The following GPR89B variants were observed in gnomAD, a reference collection of about 807,000 sequenced individuals.
GPR89B encodes golgi pH regulator B.
A neutral mutation model predicts 52.4 loss-of-function variants in GPR89B; 25 were observed. That is an observed-to-expected ratio of 0.48 (90% CI 0.35 to 0.67). The LOEUF (loss-of-function observed/expected upper bound fraction) is 0.67. Ranked by LOEUF, GPR89B falls within the 30% of genes least tolerant of loss-of-function variation. The probability of loss-of-function intolerance (pLI) is 0.01; values close to 1 mark genes in which losing one functional copy is unlikely to be tolerated. For synonymous variants in GPR89B, 52 were observed against 151.2 expected, an observed-to-expected ratio of 0.34 and a Z score of 4.81; for missense variants, 146 against 450.2, an observed-to-expected ratio of 0.32 and a Z score of 6.11.
chr1:147,962,884 A>G (rs1656708529), intron 7 of GPR89B, among the ~76,000 whole-genome samples: 1 of 151,352 alleles, frequency 6.6e-6, no homozygotes, highest in Admixed American at 6.6e-5. Context: ...CAACAGAGCG[A>G]GACTCCGTCT....
the GPR89B span, chr1:148,001,570 A>T: frequency 1.1e-6 from 1 of 885,626 alleles, no homozygotes; most frequent in African/African-American, 1.8e-5. Flanking sequence ...CTAAAAAAAT[A>T]AAACAGATTT....
downstream of GPR89B, among the ~76,000 whole-genome samples, chr1:147,998,425 G>T (rs2149100733): frequency 6.8e-6 from 1 of 147,126 alleles, no homozygotes; most frequent in African/African-American, 2.5e-5. Flanking sequence ...TCATATACTT[G>T]CAACAGTTCC....
the GPR89B span, chr1:148,014,353 T>G: frequency 2.0e-5 from 3 of 151,568 alleles, no homozygotes; most frequent in Admixed American, 6.5e-5. Flanking sequence ...TCAAGATTCG[T>G]AGGAGGGCGG....
intron 10 of GPR89B, among the ~76,000 whole-genome samples, chr1:147,977,287 A>G (rs1172479877): frequency 6.1e-5 from 9 of 148,724 alleles, no homozygotes; most frequent in South Asian, 2.1e-4. Context: ...TTGACTCCCA[A>G]TTGCTTCTGG....
At position 147,966,207 on chromosome 1, in the gene GPR89B, A is replaced by AG. The variant is rs1256290812; in HGVS notation, c.618-346dup. ...TAACTGTAGTAATTAAACTATGTATAGCGCCTTGTAGTTGACAACATGAAT... is the reference window on the plus strand; with the variant it reads ...TAACTGTAGTAATTAAACTATGTATAGGCGCCTTGTAGTTGACAACATGAAT... On this transcript the variant is annotated intron_variant, in intron 7 of 13. Transcript: ENST00000314163. Among the ~76,000 whole-genome samples, 613 of 152,112 alleles carry AG rather than the reference A, an allele frequency of 4.0e-3. 6 individuals carry two copies. The highest frequency in any genetic ancestry group is 0.027 in the East Asian group (141 of 5,190).
intron 10 of GPR89B, among the ~76,000 whole-genome samples, chr1:147,982,927 TCA>T (rs1658381376): frequency 5.9e-5 from 9 of 152,228 alleles, no homozygotes; most frequent in Non-Finnish European, 1.3e-4. Flanking sequence ...GGGAGTTCAC[TCA>T]TGATTTGTCT....
At chr1:147,996,594 C>G (rs2149100237), downstream of GPR89B, 1 of 1,611,376 alleles carries the variant, frequency 6.2e-7, no homozygotes, top group East Asian at 2.2e-5. Context: ...TCACCTTTAG[C>G]CAGCCTGCAG....
intron 12 of GPR89B, among the ~76,000 whole-genome samples, chr1:147,991,852 T>C (rs1211382201): frequency 1.2e-4 from 18 of 152,028 alleles, no homozygotes; most frequent in Non-Finnish European, 2.5e-4. Flanking sequence ...AGTTTGCCAG[T>C]ATTTTATTGA....
At chr1:147,933,526 G>T (rs1401481554) in intron 1 of GPR89B, among the ~76,000 whole-genome samples, 4 of 151,982 alleles carry the variant, frequency 2.6e-5, no homozygotes, top group Admixed American at 6.6e-5. Flanking sequence ...CCATCTTGCT[G>T]GCTGTCCCTC....
At chr1:147,981,228 G>A (rs1347569440) in intron 10 of GPR89B, among the ~76,000 whole-genome samples, 2 of 146,124 alleles carry the variant, frequency 1.4e-5, no homozygotes, top group Non-Finnish European at 3.0e-5. Flanking sequence ...AACACTTTGG[G>A]AGGCTGAGGC....
Position 147,969,552 on chromosome 1 carries a change from T to C in GPR89B, c.817-315T>C, listed in dbSNP as rs1657270627. On this transcript the variant is annotated intron_variant, in intron 9 of 13. Transcript: ENST00000314163. ...TAAACCTGAGCCTACTCACCAGCTG[T>C]GTGACTTTGAGCAAGTTATCGAACC... 6 of 264,576 alleles carry C rather than the reference T, an allele frequency of 2.3e-5. No individual in the cohort carries two copies. In the South Asian group the frequency reaches 2.5e-4, roughly 11 times the overall value. The allele number at this position is 264,576 out of a possible 1,614,324, so 16.4% of individuals were successfully genotyped here.
At chr1:147,937,196 A>G (rs367607167) in intron 2 of GPR89B, among the ~76,000 whole-genome samples, 1,841 of 151,406 alleles carry the variant, frequency 0.012, 40 homozygotes, top group East Asian at 0.045. Context: ...GTGCCATCAC[A>G]TATTGGTAGG....
At chr1:147,974,993 A>G (rs1474194182) in intron 10 of GPR89B, among the ~76,000 whole-genome samples, 1 of 151,952 alleles carries the variant, frequency 6.6e-6, no homozygotes, top group Non-Finnish European at 1.5e-5. Flanking sequence ...GTGTATGTTG[A>G]ACCAGTGTTG....
At chr1:147,991,875 C>T (rs1659095359) in intron 12 of GPR89B, among the ~76,000 whole-genome samples, 3 of 151,792 alleles carry the variant, frequency 2.0e-5, no homozygotes, top group African/African-American at 4.8e-5. Flanking sequence ...ATTTTTGCAT[C>T]GATGTTCATC....
At chr1:147,984,553 T>A (rs1658527229) in intron 10 of GPR89B, among the ~76,000 whole-genome samples, 1 of 150,654 alleles carries the variant, frequency 6.6e-6, no homozygotes, top group African/African-American at 2.4e-5. Context: ...TGGTCTTTGT[T>A]ATTTCCTTTC....
the GPR89B span, among the ~76,000 whole-genome samples, chr1:148,008,564 A>G: frequency 1.6e-4 from 25 of 152,192 alleles, no homozygotes; most frequent in African/African-American, 5.8e-4. Context: ...GAAAGAACAT[A>G]GGCAGAGGCA....
intron 10 of GPR89B, among the ~76,000 whole-genome samples, chr1:147,984,673 G>A (rs1161867530): frequency 1.4e-5 from 2 of 147,992 alleles, no homozygotes; most frequent in Admixed American, 6.9e-5. Context: ...TTCTTGCTAT[G>A]TACTGCTATA....
At chr1:147,992,423 A>G in intron 12 of GPR89B, 79 bp from the exon 13 acceptor site, 3 of 1,406,706 alleles carry the variant, frequency 2.1e-6, no homozygotes. Context: ...TTTTAATCAA[A>G]TGTTAACCAT....
intron 5 of GPR89B, among the ~76,000 whole-genome samples, chr1:147,947,891 T>C (rs1407339433): frequency 6.6e-6 from 1 of 151,988 alleles, no homozygotes; most frequent in Non-Finnish European, 1.5e-5. Context: ...ATACGGCAAG[T>C]AGAATAACAG....
Sources: allele counts gnomAD v4.1 joint callset (sites outside exome capture counted in the v4.1 genomes callset), GRCh38; gene constraint gnomAD v4.1.1; transcripts MANE v1.5; gene names NCBI Gene and HGNC (gene_info 2026-07-23, HGNC 2026-07-21).